Variants in HSPG2 observed in about 807,000 individuals in gnomAD.
HSPG2 encodes heparan sulfate proteoglycan 2.
A neutral mutation model predicts 526.6 loss-of-function variants in HSPG2; 278 were observed. That is an observed-to-expected ratio of 0.53 (90% CI 0.48 to 0.58). The LOEUF is 0.58. HSPG2 is among the 20% of genes least tolerant of loss of function. HSPG2 has a pLI of 0.00. For synonymous variants in HSPG2, 2,465 were observed against 2,555.4 expected, an observed-to-expected ratio of 0.96 and a Z score of 1.07; for missense variants, 5,354 against 6,099.5, an observed-to-expected ratio of 0.88 and a Z score of 4.07.
At chr1:21,931,527 C>T (rs765398013) in intron 1 of HSPG2, among the ~76,000 whole-genome samples, 2 of 152,170 alleles carry the variant, frequency 1.3e-5, no homozygotes, top group African/African-American at 2.4e-5. Flanking sequence ...CCAGCAGATA[C>T]TTGGGAAGCT....
chr1:21,895,348 G>A lies in HSPG2; in HGVS notation c.244+574C>T, dbSNP rs573103606. Among the ~76,000 whole-genome samples the A allele has an allele frequency of 6.6e-6, 1 of 152,296 alleles. No homozygotes were observed. Among genetic ancestry groups the A allele is most frequent in the East Asian group, 1.9e-4 (1 of 5,186 alleles). On this transcript the variant is annotated intron_variant, in intron 3 of 96. Coordinates refer to ENST00000374695, the MANE Select transcript of HSPG2 (RefSeq NM_005529.7). This position sits in a 1 kb window ranked among gnomAD's most constrained non-coding sequence, Gnocchi z 4.1. ...AGTGCTGGGCCAGTCTGACCAGGGT[G>A]GGGGCTGACTCTCCTCCCTCCAAGA...
chr1:21,917,437 G>GTAAATAAATAAA (rs71569857), intron 1 of HSPG2, among the ~76,000 whole-genome samples: 12 of 141,320 alleles, frequency 8.5e-5, no homozygotes, highest in South Asian at 2.3e-4. Context: ...TGTCTCAAAA[G>GTAAATAAATAAA]TAAATAAATA....
chr1:21,848,507 A>G lies in HSPG2; in HGVS notation c.7737+136T>C, dbSNP rs758634514. 2 of 1,034,364 alleles carry G rather than the reference A, an allele frequency of 1.9e-6. No individual in the cohort carries two copies. The highest frequency in any genetic ancestry group is 3.0e-6 in the Non-Finnish European group (2 of 666,406). The allele number at this position is 1,034,364 out of a possible 1,614,324, so 64.1% of individuals were successfully genotyped here. A position where few individuals can be genotyped will look rare whatever the true frequency, so the allele number is the denominator to read the frequency against. Reference sequence around the variant, plus strand: ...ATTTCTGTATTCTCAGCACTGGTCTAGGACCCATCCAGCAAGGATACTCAA... The same window carrying G: ...ATTTCTGTATTCTCAGCACTGGTCTGGGACCCATCCAGCAAGGATACTCAA... On this transcript the variant is annotated intron_variant, in intron 59 of 96. Coordinates refer to ENST00000374695, the MANE Select transcript of HSPG2 (RefSeq NM_005529.7). This position sits in a 1 kb window ranked among gnomAD's most constrained non-coding sequence, Gnocchi z 4.9.
intron 1 of HSPG2, among the ~76,000 whole-genome samples, chr1:21,911,708 G>A (rs1338917752): frequency 1.3e-5 from 2 of 152,150 alleles, no homozygotes; most frequent in African/African-American, 4.8e-5. Context: ...GTCCTGAAGA[G>A]GCTTGCAATT....
At chr1:21,841,040 A>G in intron 71 of HSPG2, 61 bp downstream of exon 71, 1 of 1,503,134 alleles carries the variant, frequency 6.7e-7, no homozygotes. Context: ...TCCTCCAAGC[A>G]CCCGCTCAAG....
At position 21,847,382 on chromosome 1, in the gene HSPG2, G is replaced by A. The variant is rs535274183; in HGVS notation, c.8136C>T (p.Ser2712=). ...IDALEASIVI[S]VSPSAGSPSA... ...AGGGGCTGCCGGCGCTAGGGGAGAC[G>A]GAGATGACGATGGAGGCCTCCAGGG... Residue 2712 remains serine, a synonymous_variant, in exon 62 of 97, where the codon TCC becomes TCT. Transcript: ENST00000374695. The surrounding 1 kb of genome is among the most constrained non-coding windows in gnomAD (Gnocchi z 4.1). 29 of 1,613,998 alleles carry A rather than the reference G, an allele frequency of 1.8e-5. No individual in the cohort carries two copies. The highest frequency in any genetic ancestry group is 1.6e-4 in the Middle Eastern group (1 of 6,062).
intron 55 of HSPG2, among the ~76,000 whole-genome samples, 183 bp from the exon 56 acceptor site, chr1:21,850,681 T>A (rs1638822100): frequency 6.6e-6 from 1 of 152,204 alleles, no homozygotes; most frequent in African/African-American, 2.4e-5. Context: ...GGAGCCCCAG[T>A]GAGCTGGGTA....
Position 21,873,044 on chromosome 1 carries a change from C to T in HSPG2, c.3841G>A (p.Gly1281Ser). Reference sequence around the variant, plus strand: ...GCATCACACTGGCTGCTGACGCTGCCTTGGGGGTCACAGTTGCAGCCTATG... The same window carrying T: ...GCATCACACTGGCTGCTGACGCTGCTTTGGGGGTCACAGTTGCAGCCTATG... ...GPIGCNCDPQ[G>S]SVSSQCDAAG... Residue 1281 changes from glycine (G) to serine (S), a missense_variant, in exon 31 of 97, where the codon GGC becomes AGC. Transcript: ENST00000374695. The T allele has an allele frequency of 6.2e-7, 1 of 1,605,670 alleles. No individual in the cohort carries two copies.
At chr1:21,878,874 G>A in intron 18 of HSPG2, 120 bp downstream of exon 18, 1 of 1,346,954 alleles carries the variant, frequency 7.4e-7, no homozygotes. Flanking sequence ...AGGAGCATGG[G>A]ATAACTTAGT....
rs756728010 is a variant in HSPG2, at chr1:21,873,401, T to C, written c.3767A>G (p.Asn1256Ser). The C allele has an allele frequency of 1.9e-6, 3 of 1,612,800 alleles. No homozygotes were observed. Among genetic ancestry groups the C allele is most frequent in the East Asian group, 4.5e-5 (2 of 44,820 alleles). ...CTGGCATGGCTGGCCCTGGCTGGGG[T>C]TGCCATAGTAGCCAGGGGCGCACCT... is the stretch of plus-strand genomic sequence containing the variant. ...CERCAPGYYG[N>S]PSQGQPCQRD... The change falls in exon 30 of 97, where the codon AAC becomes AGC. Residue 1256 changes from asparagine to serine, a missense_variant. Physicochemically the swap from Asn to Ser is conservative, Grantham distance 46. Transcript: ENST00000374695.
In HSPG2 at chr1:21,880,341, C is replaced by T. The variant is rs1290361723; in HGVS notation, c.2195+22G>A. ...ATCCTTGCTAGGGTCTCTGTGGTTC[C>T]CAGCCCTGCCGGCTCAGGCACCTGC... On this transcript the variant is annotated intron_variant, in intron 16 of 96. Transcript: ENST00000374695. The T allele has an allele frequency of 3.7e-6, 6 of 1,613,938 alleles. No homozygotes were observed. In the Middle Eastern group the frequency reaches 6.6e-4, roughly 177 times the overall value.
At chr1:21,834,411 T>A (rs2098017805) in intron 77 of HSPG2, among the ~76,000 whole-genome samples, 1 of 152,194 alleles carries the variant, frequency 6.6e-6, no homozygotes, top group Non-Finnish European at 1.5e-5. Flanking sequence ...GAGCAGGCAC[T>A]CCCTGCAGAT....
rs1435379011 is a variant in HSPG2 at position 21,848,827 on chromosome 1, A to T, written c.7586-33T>A. The T allele has an allele frequency of 1.2e-6, 2 of 1,613,094 alleles. No individual in the cohort carries two copies. Among genetic ancestry groups the T allele is most frequent in the Non-Finnish European group, 1.7e-6 (2 of 1,179,918 alleles). On this transcript the variant is annotated intron_variant, in intron 58 of 96. Transcript: ENST00000374695. This position sits in a 1 kb window ranked among gnomAD's most constrained non-coding sequence, Gnocchi z 4.9. ...GGTGAGATGTAAGGCAGGGTGTGGGAGCTGCTGAGGGTGCAGTCGGGGTCC... is the reference window on the plus strand; with the variant it reads ...GGTGAGATGTAAGGCAGGGTGTGGGTGCTGCTGAGGGTGCAGTCGGGGTCC...
rs770713163 is a variant in HSPG2, at chr1:21,872,982, G to A, written c.3888+15C>T. 6.8e-6 allele frequency: 11 copies of A among 1,609,424 alleles called. No individual in the cohort carries two copies. The highest frequency in any genetic ancestry group is 1.6e-4 in the Middle Eastern group (1 of 6,062). ...GGGCAGAGCAGGCCCCGCAGGGACA[G>A]GGATTCGGACTGACCTTGCACTGGC... On this transcript the variant is annotated intron_variant, in intron 31 of 96. Coordinates refer to ENST00000374695, the MANE Select transcript of HSPG2 (RefSeq NM_005529.7). The surrounding 1 kb of genome is among the most constrained non-coding windows in gnomAD (Gnocchi z 5.5).
intron 39 of HSPG2, 89 bp downstream of exon 39, chr1:21,861,668 G>T (rs746527599): frequency 2.0e-5 from 24 of 1,213,344 alleles, no homozygotes; most frequent in Non-Finnish European, 2.9e-5. Context: ...TCCTAGAAGA[G>T]ACTTTTCTGA....
intron 85 of HSPG2, 67 bp downstream of exon 85, chr1:21,830,915 T>G: frequency 9.6e-7 from 1 of 1,036,528 alleles, no homozygotes; most frequent in Non-Finnish European, 1.5e-6. Flanking sequence ...TGGTGGTGGA[T>G]ATGGGGAGGC....
Position 21,895,563 on chromosome 1 carries a change from C to T in HSPG2, c.244+359G>A, listed in dbSNP as rs528787244. ...TTTGCCTGGGATCCCCAGCTCTGTG[C>T]CCCCAGGAGGGCTCTGGGGAAGGAC... is the stretch of plus-strand genomic sequence containing the variant. On this transcript the variant is annotated intron_variant, in intron 3 of 96. Coordinates refer to ENST00000374695, the MANE Select transcript of HSPG2 (RefSeq NM_005529.7). The surrounding 1 kb of genome is among the most constrained non-coding windows in gnomAD (Gnocchi z 4.1). Among the ~76,000 whole-genome samples, 4 of 152,302 alleles carry T rather than the reference C, an allele frequency of 2.6e-5. No homozygotes were observed. The East Asian group carries it at 7.7e-4, about 29-fold the overall frequency.
rs926635779 is a variant in HSPG2 at position 21,853,052 on chromosome 1, G to A, written c.6458C>T (p.Pro2153Leu). The change falls in exon 51 of 97, where the codon CCC (proline) becomes CTC (leucine). Residue 2153 changes from proline to leucine, a missense_variant. Coordinates refer to ENST00000374695, the MANE Select transcript of HSPG2 (RefSeq NM_005529.7). ...SYTPVPGSTR[P>L]IRIEPSSSHV... ...TGAGGAGGAGGGCTCGATGCGGATG[G>A]GCCGGGTGCTGCCGGGCACTGGACA... 2 of 1,613,900 alleles carry A rather than the reference G, an allele frequency of 1.2e-6. No homozygotes were observed. Among genetic ancestry groups the A allele is most frequent in the Admixed American group, 1.7e-5 (1 of 60,026 alleles).
At chr1:21,850,311 G>T in intron 56 of HSPG2, 52 bp downstream of exon 56, 1 of 1,605,114 alleles carries the variant, frequency 6.2e-7, no homozygotes, top group Middle Eastern at 1.7e-4. Flanking sequence ...TGCAAGAGTG[G>T]GGGGCCTCCC....
Sources: gnomAD v4.1 joint callset for allele counts (sites outside exome capture counted in the v4.1 genomes callset) on GRCh38, gnomAD v4.1.1 for gene constraint, Gnocchi (gnomAD v3.1) non-coding constraint, MANE v1.5 for transcripts, NCBI Gene and HGNC (gene_info 2026-07-23, HGNC 2026-07-21) for gene names.